Variants in CEP128 observed in about 807,000 individuals in gnomAD.
CEP128 encodes the protein centrosomal protein 128kDa.
Under a neutral mutation model 156.7 loss-of-function variants are expected in CEP128, and 132 were observed. The observed-to-expected ratio is 0.84, with a 90% CI of 0.73 to 0.97. The LOEUF (loss-of-function observed/expected upper bound fraction) is 0.97, where lower values mean the gene tolerates loss of function less well. CEP128 is among the 50% of genes least tolerant of loss of function. The pLI, the probability that CEP128 is intolerant of heterozygous loss-of-function variation, is 0.00. For synonymous variants in CEP128, 469 were observed against 448.9 expected (o/e 1.04, Z -0.57); for missense variants, 1,252 against 1,281.9 (o/e 0.98, Z 0.36).
chr14:80,675,579 C>T (rs2140945032), intron 19 of CEP128, among the ~76,000 whole-genome samples: 2 of 152,038 alleles, frequency 1.3e-5, no homozygotes, highest in East Asian at 3.9e-4. Context: ...ATGTCTTTAG[C>T]TCATTTTTGA....
chr14:80,797,895 T>C (rs967358124), intron 13 of CEP128, among the ~76,000 whole-genome samples: 2 of 152,232 alleles, frequency 1.3e-5, no homozygotes, highest in Admixed American at 6.5e-5. Flanking sequence ...ATTTATTCCA[T>C]TATAATGATT....
intron 13 of CEP128, among the ~76,000 whole-genome samples, chr14:80,801,459 A>G (rs149626): frequency 9.9e-6 from 1 of 100,892 alleles, no homozygotes; most frequent in African/African-American, 4.3e-5. Context: ...GAGATGCTGA[A>G]TTTTATCAAA....
chr14:80,756,713 A>G (rs1391648748), intron 18 of CEP128, among the ~76,000 whole-genome samples, 179 bp downstream of exon 18: 4 of 152,186 alleles, frequency 2.6e-5, no homozygotes, highest in Non-Finnish European at 5.9e-5. Flanking sequence ...ATTTAACTTT[A>G]AAATGTTAAA....
chr14:80,912,454 G>A (rs1412578365), intron 4 of CEP128, among the ~76,000 whole-genome samples: 1 of 152,038 alleles, frequency 6.6e-6, no homozygotes, highest in Non-Finnish European at 1.5e-5. Flanking sequence ...TACAAAGTAG[G>A]ACTATACTCT....
intron 19 of CEP128, among the ~76,000 whole-genome samples, chr14:80,694,378 G>T (rs1454694203): frequency 6.6e-6 from 1 of 152,066 alleles, no homozygotes; most frequent in Non-Finnish European, 1.5e-5. Context: ...AATACAATTT[G>T]ACCCACAAAT....
intron 2 of CEP128, among the ~76,000 whole-genome samples, chr14:80,916,827 G>A (rs947244980): frequency 5.3e-5 from 8 of 152,134 alleles, no homozygotes; most frequent in African/African-American, 1.9e-4. Flanking sequence ...TAATCCCTTA[G>A]ATTCATGCAA....
chr14:80,914,692 A>G (rs1884444766), intron 3 of CEP128, among the ~76,000 whole-genome samples: 1 of 152,220 alleles, frequency 6.6e-6, no homozygotes, highest in Non-Finnish European at 1.5e-5. Flanking sequence ...AATTCTCAGA[A>G]TCATAATTTT....
chr14:80,608,174 C>T (rs61391568), intron 19 of CEP128, among the ~76,000 whole-genome samples: 18,945 of 152,216 alleles, frequency 0.12, 1,950 homozygotes, highest in African/African-American at 0.28. Flanking sequence ...TTCTACCTTA[C>T]TCTGCTTTGA....
At chr14:80,618,465 T>C (rs561452980) in intron 19 of CEP128, among the ~76,000 whole-genome samples, 108 of 152,334 alleles carry the variant, frequency 7.1e-4, no homozygotes, top group African/African-American at 2.5e-3. Flanking sequence ...AGTATACGTC[T>C]TGAAATGTGG....
chr14:80,883,768 C>T (rs1011293241), intron 8 of CEP128, among the ~76,000 whole-genome samples: 1 of 152,046 alleles, frequency 6.6e-6, no homozygotes, highest in African/African-American at 2.4e-5. Flanking sequence ...CCATAATATT[C>T]AAAGCTATCC....
intron 19 of CEP128, among the ~76,000 whole-genome samples, chr14:80,592,957 T>G (rs1337762563): frequency 6.6e-6 from 1 of 152,192 alleles, no homozygotes; most frequent in African/African-American, 2.4e-5. Flanking sequence ...CAGTGCTTCA[T>G]GCTAAAAACT....
At chr14:80,750,377 C>T (rs995011709) in intron 18 of CEP128, among the ~76,000 whole-genome samples, 1 of 149,342 alleles carries the variant, frequency 6.7e-6, no homozygotes, top group Non-Finnish European at 1.5e-5. Flanking sequence ...CTGTTTTCCG[C>T]CATATGAGAA....
chr14:80,801,839 C>T lies in CEP128; in HGVS notation c.1210-8729G>A, dbSNP rs537017986. 1.4e-4 allele frequency among the ~76,000 whole-genome samples: 18 copies of T among 125,002 alleles called. No individual in the cohort carries two copies. The South Asian group carries it at 1.6e-3, about 11-fold the overall frequency. 82.0% of individuals were successfully genotyped at this position (125,002 alleles called of 152,430 possible). A position where few individuals can be genotyped will look rare whatever the true frequency, so the allele number is the denominator to read the frequency against. ...AGGAGAATCGCTTGAACCCAGGAGG[C>T]GGAGGTTGCAGTAAGCCGAGATTGT... On this transcript the variant is annotated intron_variant, in intron 13 of 24. Coordinates refer to ENST00000555265, the MANE Select transcript of CEP128 (RefSeq NM_152446.5).
At chr14:80,918,778 A>G (rs74647167) in intron 2 of CEP128, among the ~76,000 whole-genome samples, 4,717 of 152,272 alleles carry the variant, frequency 0.031, 242 homozygotes, top group African/African-American at 0.11. Flanking sequence ...GAAAAAAGGG[A>G]AATATCAAAT....
At chr14:80,647,128 C>T (rs980611104) in intron 19 of CEP128, among the ~76,000 whole-genome samples, 1 of 127,120 alleles carries the variant, frequency 7.9e-6, no homozygotes, top group Non-Finnish European at 1.9e-5. Context: ...CACACACATA[C>T]ACACACACAC....
At chr14:80,601,267 T>C (rs1346596773) in intron 19 of CEP128, among the ~76,000 whole-genome samples, 2 of 152,136 alleles carry the variant, frequency 1.3e-5, no homozygotes, top group South Asian at 2.1e-4. Context: ...TGCTTAATGA[T>C]AGGGATGTGT....
At chr14:80,657,888 T>C (rs1384983868) in intron 19 of CEP128, among the ~76,000 whole-genome samples, 3 of 152,184 alleles carry the variant, frequency 2.0e-5, no homozygotes, top group Admixed American at 2.0e-4. Flanking sequence ...CATGTACTGA[T>C]GTTAGCAGGA....
intron 19 of CEP128, among the ~76,000 whole-genome samples, chr14:80,626,084 C>T (rs1893705657): frequency 6.6e-6 from 1 of 152,194 alleles, no homozygotes; most frequent in Non-Finnish European, 1.5e-5. Flanking sequence ...GCAAAAGAGA[C>T]TTTGCAGATT....
intron 19 of CEP128, among the ~76,000 whole-genome samples, chr14:80,600,409 A>G (rs1483968883): frequency 6.6e-6 from 1 of 152,228 alleles, no homozygotes; most frequent in East Asian, 1.9e-4. Flanking sequence ...CTTATCACAT[A>G]GAAGGGTTTT....
Sources: gnomAD v4.1 joint callset for allele counts (sites outside exome capture counted in the v4.1 genomes callset) on GRCh38, gnomAD v4.1.1 for gene constraint, MANE v1.5 for transcripts, NCBI Gene and HGNC (gene_info 2026-07-23, HGNC 2026-07-21) for gene names.